The following GALNT3 variants were observed in gnomAD, a reference collection of about 807,000 sequenced individuals.
The protein encoded by GALNT3 is GalNAc transferase 3.
A neutral mutation model predicts 69.8 loss-of-function variants in GALNT3; 51 were observed. The observed-to-expected ratio is 0.73, with a 90% CI of 0.58 to 0.92. The LOEUF is 0.92. GALNT3 is among the 40% of genes least tolerant of loss of function. The probability of loss-of-function intolerance (pLI) is 0.00; values close to 1 mark genes in which losing one functional copy is unlikely to be tolerated. For missense variants in GALNT3, 711 were observed against 760.0 expected, an observed-to-expected ratio of 0.94 and a Z score of 0.76; for synonymous variants, 265 against 248.5, an observed-to-expected ratio of 1.07 and a Z score of -0.63.
intron 7 of GALNT3, 32 bp from the exon 8 acceptor site, chr2:165,755,095 TA>T: frequency 6.3e-7 from 1 of 1,583,412 alleles, no homozygotes; most frequent in African/African-American, 1.3e-5. Context: ...AGGGAATGCT[TA>T]ATTAAAACAA....
intron 1 of GALNT3, among the ~76,000 whole-genome samples, chr2:165,774,909 CTTTTTTTTTTTT>C (rs71031204): frequency 1.9e-5 from 2 of 104,328 alleles, no homozygotes; most frequent in African/African-American, 3.8e-5. Flanking sequence ...CTTCTTCTCT[CTTTTTTTTTTTT>C]TTTTTTTTTT....
chr2:165,769,403 C>A (rs1688707321), intron 2 of GALNT3, among the ~76,000 whole-genome samples: 6 of 64,442 alleles, frequency 9.3e-5, no homozygotes, highest in Non-Finnish European at 3.3e-5. Flanking sequence ...AAGACTCCAT[C>A]TCAAAATAAT....
At chr2:165,763,827 A>C (rs1688592083) in intron 3 of GALNT3, among the ~76,000 whole-genome samples, 1 of 152,162 alleles carries the variant, frequency 6.6e-6, no homozygotes, top group Non-Finnish European at 1.5e-5. Flanking sequence ...AGCTACATGA[A>C]ATCAGATGCC....
chr2:165,781,693 A>G (rs1683114671), intron 1 of GALNT3, among the ~76,000 whole-genome samples: 1 of 152,072 alleles, frequency 6.6e-6, no homozygotes, highest in Non-Finnish European at 1.5e-5. Flanking sequence ...TCACCTTCTA[A>G]TTCTTATATG....
intron 1 of GALNT3, among the ~76,000 whole-genome samples, chr2:165,790,008 A>G (rs1013894163): frequency 6.6e-6 from 1 of 152,194 alleles, no homozygotes; most frequent in African/African-American, 2.4e-5. Context: ...ACTACTATCT[A>G]TAAATAGAAT....
Position 165,770,680 on chromosome 2 carries a change from T to C in GALNT3, c.21A>G (p.Leu7=). The C allele has an allele frequency of 3.7e-6, 6 of 1,603,922 alleles. No individual in the cohort carries two copies. Among genetic ancestry groups the C allele is most frequent in the Middle Eastern group, 1.7e-4 (1 of 6,046 alleles). The change falls in exon 2 of 11, where the codon CTA becomes CTG. Residue 7 remains leucine, a synonymous_variant. Transcript: ENST00000392701. The stretch of plus-strand genomic sequence containing the variant: ...AATGTCTTTTAATGTGTAATTTTAC[T>C]AGTCGCTTTAGGTGAGCCATTCTGA... The part of the protein sequence containing the change: MAHLKR[L]VKLHIKRHYH...
chr2:165,771,986 C>T (rs1373488102), intron 1 of GALNT3, among the ~76,000 whole-genome samples: 2 of 152,152 alleles, frequency 1.3e-5, no homozygotes, highest in East Asian at 3.9e-4. Context: ...GATACTTCTG[C>T]TCCAAAAGAT....
intron 9 of GALNT3, among the ~76,000 whole-genome samples, chr2:165,754,194 A>G (rs930348698): frequency 6.6e-6 from 1 of 151,432 alleles, no homozygotes; most frequent in African/African-American, 2.4e-5. Flanking sequence ...GGTTCAAGCA[A>G]TTCTCCAGCC....
chr2:165,790,793 G>A (rs1559009971), intron 1 of GALNT3, among the ~76,000 whole-genome samples: 1 of 152,064 alleles, frequency 6.6e-6, no homozygotes, highest in Non-Finnish European at 1.5e-5. Flanking sequence ...TGGAGAGGGG[G>A]AGTGTAATTC....
At chr2:165,758,293 C>T (rs1376949467) in intron 6 of GALNT3, among the ~76,000 whole-genome samples, 4 of 152,108 alleles carry the variant, frequency 2.6e-5, no homozygotes, top group African/African-American at 4.8e-5. Context: ...AAGGTACATA[C>T]GGAGTCTACC....
At chr2:165,752,527 C>T (rs1247732564) in intron 9 of GALNT3, among the ~76,000 whole-genome samples, 1 of 152,064 alleles carries the variant, frequency 6.6e-6, no homozygotes, top group Non-Finnish European at 1.5e-5. Flanking sequence ...GAATGTTTTC[C>T]CATCCCCCAA....
intron 6 of GALNT3, 130 bp downstream of exon 6, chr2:165,758,617 T>C: frequency 1.5e-6 from 1 of 650,898 alleles, no homozygotes. Flanking sequence ...TTCCAAAATT[T>C]CCAGCAATTA....
In GALNT3 at chr2:165,770,425, A is replaced by G; in HGVS notation, c.276T>C (p.Ala92=). The change falls in exon 2 of 11, where the codon GCT becomes GCC. Residue 92 remains alanine (A), a synonymous_variant. Transcript: ENST00000392701. ...ATCCTTGCAAACAAGGTCTCTCACC[A>G]GCATCAATGTTTTGCCTGACAGGTG... ...IGAPVRQNID[A]GERPCLQGYY... is the part of the protein sequence containing the mutation. The G allele has an allele frequency of 1.2e-6, 2 of 1,614,236 alleles. No individual in the cohort carries two copies. Among genetic ancestry groups the G allele is most frequent in the Non-Finnish European group, 1.7e-6 (2 of 1,180,038 alleles).
rs71913828 is a variant in GALNT3 at position 165,791,255 on chromosome 2, C to CTGTGTG, written c.-109+2754_-109+2759dup. Among the ~76,000 whole-genome samples the CTGTGTG allele has an allele frequency of 9.7e-3, 1,431 of 147,352 alleles. 31 individuals carry two copies. Among genetic ancestry groups the CTGTGTG allele is most frequent in the African/African-American group, 0.032 (1,301 of 40,296 alleles). ...TTCTTTCATGTGAGTGGGTGTGTGC[C>CTGTGTG]TGTGTGTGTGTGTGTGTGTGTGTGT... On this transcript the variant is annotated intron_variant, in intron 1 of 10. Transcript: ENST00000392701.
At chr2:165,761,617 G>GAAA (rs71393694) in intron 4 of GALNT3, 223 of 541,616 alleles carry the variant, frequency 4.1e-4, no homozygotes, top group South Asian at 1.2e-3. Flanking sequence ...AAGAAACATG[G>GAAA]AAAAAAAAAA....
chr2:165,782,523 T>C (rs898248695), intron 1 of GALNT3, among the ~76,000 whole-genome samples: 4 of 152,218 alleles, frequency 2.6e-5, no homozygotes, highest in Admixed American at 6.5e-5. Flanking sequence ...AGAGTCAATA[T>C]AGAGATTCTG....
Position 165,770,459 on chromosome 2 carries a change from T to C in GALNT3, c.242A>G (p.Gln81Arg), listed in dbSNP as rs1688730859. The C allele has an allele frequency of 6.2e-7, 1 of 1,614,132 alleles. No individual in the cohort carries two copies. The highest frequency in any genetic ancestry group is 8.5e-7 in the Non-Finnish European group (1 of 1,180,052). ...GTTTTGCCTGACAGGTGCTCCTATT[T>C]GCATTTTTGGCATGGCATCCTTAAT... ...NNIKDAMPKM[Q>R]IGAPVRQNID... is the part of the protein sequence containing the mutation. Residue 81 changes from glutamine to arginine, a missense_variant, in exon 2 of 11, where the codon CAA becomes CGA. By Grantham distance (43) the Gln-to-Arg change is conservative (BLOSUM62 1). Transcript: ENST00000392701.
At chr2:165,789,240 G>A (rs1005296516) in intron 1 of GALNT3, among the ~76,000 whole-genome samples, 20 of 152,184 alleles carry the variant, frequency 1.3e-4, no homozygotes, top group African/African-American at 3.1e-4. Flanking sequence ...AATGTCTGGC[G>A]AGGGCACATC....
Position 165,754,998 on chromosome 2 carries a change from T to A in GALNT3, c.1458A>T (p.Thr486=). Residue 486 remains threonine (T), a synonymous_variant, in exon 8 of 11, where the codon ACA becomes ACT. Coordinates refer to ENST00000392701, the MANE Select transcript of GALNT3 (RefSeq NM_004482.4). ...CTGGATAAATGTTGTTCAGATACCA[T>A]GTAAAATTTTTACACTGAAGGCGGT... ...IKHRLQCKNF[T]WYLNNIYPEV... is the part of the protein sequence containing the mutation. The A allele has an allele frequency of 1.9e-6, 3 of 1,612,410 alleles. No homozygotes were observed. The highest frequency in any genetic ancestry group is 2.5e-6 in the Non-Finnish European group (3 of 1,178,582).
Sources: allele counts gnomAD v4.1 joint callset (sites outside exome capture counted in the v4.1 genomes callset), GRCh38; gene constraint gnomAD v4.1.1; transcripts MANE v1.5; gene names NCBI Gene and HGNC (gene_info 2026-07-23, HGNC 2026-07-21).